LRTM1: variants seen among roughly 807,000 people sequenced by gnomAD.
LRTM1 encodes leucine rich repeat transmembrane protein 1.
In LRTM1, 38 loss-of-function variants were observed where a neutral mutation model predicts 32.4. The ratio of observed to expected loss-of-function variants is 1.17; its 90% CI spans 0.91 to 1.54. The LOEUF (loss-of-function observed/expected upper bound fraction) is 1.54, where lower values mean the gene tolerates loss of function less well. LRTM1 is among the 40% of genes most tolerant of loss of function. The pLI is 0.00. For missense variants in LRTM1, 466 were observed against 415.4 expected, an observed-to-expected ratio of 1.12 and a Z score of -1.06; for synonymous variants, 186 against 169.9, an observed-to-expected ratio of 1.09 and a Z score of -0.74.
chr3:54,918,806 G>A lies in LRTM1; in HGVS notation c.691C>T (p.Pro231Ser), dbSNP rs1348280960. 1 of 1,613,568 alleles carries A rather than the reference G, an allele frequency of 6.2e-7. No homozygotes were observed. Among genetic ancestry groups the A allele is most frequent in the Non-Finnish European group, 8.5e-7 (1 of 1,179,710 alleles). The change falls in exon 3 of 3, where the codon CCC becomes TCC. Residue 231 changes from proline to serine, a missense_variant. Physicochemically the swap from Pro to Ser is moderately conservative, Grantham distance 74. Coordinates refer to ENST00000273286, the MANE Select transcript of LRTM1 (RefSeq NM_020678.4). The part of the protein sequence containing the change: ...LLRIPHELYQ[P>S]CPLPAPDPVS... ...GGATCAGGAGCAGGAAGAGGGCAGGGCTGGTACAGCTCATGAGGGATCCTA... is the reference window on the plus strand; with the variant it reads ...GGATCAGGAGCAGGAAGAGGGCAGGACTGGTACAGCTCATGAGGGATCCTA...
At chr3:54,929,178 C>A (rs951595433), upstream of LRTM1, among the ~76,000 whole-genome samples, 1 of 152,184 alleles carries the variant, frequency 6.6e-6, no homozygotes, top group African/African-American at 2.4e-5. Flanking sequence ...AGGCAAGTGA[C>A]TTACCCACCC....
chr3:54,921,243 C>T (rs2106930846), intron 2 of LRTM1, among the ~76,000 whole-genome samples: 1 of 152,286 alleles, frequency 6.6e-6, no homozygotes, highest in South Asian at 2.1e-4. Context: ...CATTACGTAG[C>T]TGTGCAGCCG....
chr3:54,918,482 GCT>G lies in LRTM1; in HGVS notation c.1013_1014del (p.Glu338AlafsTer3), dbSNP rs573640720. The G allele has an allele frequency of 2.6e-3, 4,134 of 1,613,552 alleles. 24 individuals are homozygous for G. The highest frequency in any genetic ancestry group is 7.0e-3 in the South Asian group (639 of 91,054). Reference sequence around the variant, plus strand: ...TCTCAGGCTGGTGAGCTGTCAAATCGCTCTTTTTCTTCCACCTTCCCAGGATC... The same window carrying G: ...TCTCAGGCTGGTGAGCTGTCAAATCGCTTTTTCTTCCACCTTCCCAGGATC... ...TNDPGKVEEK[E>X]RFDSSPA On this transcript the variant is annotated frameshift_variant, in exon 3 of 3. Coordinates refer to ENST00000273286, the MANE Select transcript of LRTM1 (RefSeq NM_020678.4). LOFTEE classifies it high-confidence loss of function.
rs765946517 is a variant in LRTM1 at position 54,924,597 on chromosome 3, G to T, written c.604+22C>A. 2.6e-6 allele frequency: 4 copies of T among 1,566,346 alleles called. No homozygotes were observed. The African/African-American group carries it at 4.1e-5, about 16-fold the overall frequency. On this transcript the variant is annotated intron_variant, in intron 2 of 2. Transcript: ENST00000273286. Reference sequence around the variant, plus strand: ...TAGGCTGGTAACACACAGATGGGGGGTTCCAAATAGACATGACTGACCTTT... The same window carrying T: ...TAGGCTGGTAACACACAGATGGGGGTTTCCAAATAGACATGACTGACCTTT...
chr3:54,919,405 G>GGAAT (rs1219737261), intron 2 of LRTM1, among the ~76,000 whole-genome samples: 2 of 152,216 alleles, frequency 1.3e-5, no homozygotes, highest in South Asian at 2.1e-4. Context: ...ATGGAGAGGT[G>GGAAT]GAATGGTCTT....
At chr3:54,940,400 C>T (rs1409381288) in intron 1 of LRTM1, among the ~76,000 whole-genome samples, 1 of 152,138 alleles carries the variant, frequency 6.6e-6, no homozygotes, top group African/African-American at 2.4e-5. Flanking sequence ...CAGATTACTG[C>T]CTCGGTGCCT....
chr3:54,957,865 G>A (rs1051575602), intron 1 of LRTM1, among the ~76,000 whole-genome samples: 1 of 152,164 alleles, frequency 6.6e-6, no homozygotes, highest in Non-Finnish European at 1.5e-5. Flanking sequence ...TTTTTCCAAA[G>A]CACAAATCTA....
chr3:54,958,762 A>T (rs1701963150), intron 1 of LRTM1, among the ~76,000 whole-genome samples: 1 of 151,708 alleles, frequency 6.6e-6, no homozygotes, highest in East Asian at 1.9e-4. Flanking sequence ...TTGCCTGGGG[A>T]TGTTCTGTGT....
chr3:54,944,731 A>G (rs1701568270), intron 1 of LRTM1, among the ~76,000 whole-genome samples: 1 of 151,982 alleles, frequency 6.6e-6, no homozygotes, highest in Non-Finnish European at 1.5e-5. Flanking sequence ...TCCAAGAGTT[A>G]TTTTTTATAG....
chr3:54,930,471 G>T (rs1701157836), upstream of LRTM1, among the ~76,000 whole-genome samples: 1 of 152,180 alleles, frequency 6.6e-6, no homozygotes, highest in Non-Finnish European at 1.5e-5. Context: ...GAGATATTTA[G>T]CTGTGTCTAT....
At chr3:54,953,780 G>A (rs1027647003) in intron 1 of LRTM1, among the ~76,000 whole-genome samples, 5 of 152,148 alleles carry the variant, frequency 3.3e-5, no homozygotes, top group South Asian at 4.1e-4. Context: ...ATCACTGGGA[G>A]TGGGTGAGGG....
intron 2 of LRTM1, among the ~76,000 whole-genome samples, chr3:54,923,888 A>C (rs1306709150): frequency 6.6e-6 from 1 of 152,188 alleles, no homozygotes; most frequent in African/African-American, 2.4e-5. Context: ...CCCTGTCACA[A>C]CTACTCTGCT....
At chr3:54,930,896 AGAC>A (rs1701171694), upstream of LRTM1, among the ~76,000 whole-genome samples, 1 of 152,202 alleles carries the variant, frequency 6.6e-6, no homozygotes, top group Admixed American at 6.5e-5. Context: ...CAGGAGTTCG[AGAC>A]CAGCCTGGCC....
rs994067936 is a variant in LRTM1 at position 54,918,613 on chromosome 3, A to G, written c.884T>C (p.Val295Ala). Residue 295 changes from valine (V) to alanine (A), a missense_variant, in exon 3 of 3, where the codon GTG becomes GCG. Coordinates refer to ENST00000273286, the MANE Select transcript of LRTM1 (RefSeq NM_020678.4). Reference protein sequence around the residue: ...AIATVIITGVVCGIVCLMMLA... With the variant: ...AIATVIITGVACGIVCLMMLA... The stretch of plus-strand genomic sequence containing the variant: ...CATCATGAGACACACAATCCCACAC[A>G]CAACGCCAGTGATGATGACAGTGGC... The G allele has an allele frequency of 6.2e-7, 1 of 1,613,962 alleles. No individual in the cohort carries two copies. Among genetic ancestry groups the G allele is most frequent in the African/African-American group, 1.3e-5 (1 of 74,914 alleles).
intron 1 of LRTM1, 97 bp from the exon 2 acceptor site, chr3:54,925,312 G>A: frequency 9.7e-7 from 1 of 1,025,660 alleles, no homozygotes; most frequent in Non-Finnish European, 1.4e-6. Context: ...GTGCTTTCCA[G>A]CCAGGTGAAA....
intron 2 of LRTM1, among the ~76,000 whole-genome samples, chr3:54,921,947 C>G (rs1327639978): frequency 6.7e-6 from 1 of 148,804 alleles, no homozygotes; most frequent in Non-Finnish European, 1.5e-5. Context: ...CATATCTGTT[C>G]CCTTATTTTG....
intron 1 of LRTM1, among the ~76,000 whole-genome samples, chr3:54,925,950 A>T (rs192343840): frequency 4.6e-5 from 7 of 152,366 alleles, no homozygotes; most frequent in African/African-American, 1.7e-4. Context: ...ATGGAAAAGC[A>T]TTAAGAATAG....
At chr3:54,957,826 C>A (rs1035815450) in intron 1 of LRTM1, among the ~76,000 whole-genome samples, 28 of 152,186 alleles carry the variant, frequency 1.8e-4, no homozygotes, top group African/African-American at 6.3e-4. Flanking sequence ...CAGACACAAA[C>A]CATGCATCCC....
intron 2 of LRTM1, 54 bp from the exon 3 acceptor site, chr3:54,918,946 C>G: frequency 7.1e-7 from 1 of 1,399,660 alleles, no homozygotes; most frequent in Non-Finnish European, 9.4e-7. Context: ...AACAGAGTTC[C>G]AAAATCCTCT....
Sources: allele counts gnomAD v4.1 joint callset (sites outside exome capture counted in the v4.1 genomes callset), GRCh38; gene constraint gnomAD v4.1.1; transcripts MANE v1.5; gene names NCBI Gene and HGNC (gene_info 2026-07-23, HGNC 2026-07-21).